Variants in USP34 observed in about 807,000 individuals in gnomAD.
USP34 encodes the protein ubiquitin carboxyl-terminal hydrolase 34.
USP34 carries 70 observed loss-of-function variants against 460.3 expected under a neutral mutation model. The observed-to-expected ratio is 0.15, with a 90% CI of 0.13 to 0.19. The LOEUF is 0.19. Among genes scored for constraint, USP34 ranks in the 10% least tolerant of loss-of-function variants. USP34 has a pLI of 1.00. For missense variants in USP34, 3,985 were observed against 4,236.2 expected, an observed-to-expected ratio of 0.94 and a Z score of 1.65; for synonymous variants, 1,647 against 1,405.3, an observed-to-expected ratio of 1.17 and a Z score of -3.85.
intron 16 of USP34, among the ~76,000 whole-genome samples, chr2:61,341,887 C>G (rs112125895): frequency 0.018 from 2,708 of 151,284 alleles, 82 homozygotes; most frequent in African/African-American, 0.06. Flanking sequence ...CTCAGCGTCC[C>G]GAGTAGCTGG....
At chr2:61,390,797 T>TG (rs1350754363) in intron 5 of USP34, among the ~76,000 whole-genome samples, 1 of 151,414 alleles carries the variant, frequency 6.6e-6, no homozygotes, top group Non-Finnish European at 1.5e-5. Context: ...ATTCAGGTTC[T>TG]GAAAAAAAAA....
intron 1 of USP34, among the ~76,000 whole-genome samples, chr2:61,447,490 A>T (rs1695154089): frequency 6.6e-6 from 1 of 152,166 alleles, no homozygotes; most frequent in Non-Finnish European, 1.5e-5. Context: ...AATATAAAAA[A>T]TCTGGATAAC....
chr2:61,239,405 GTTTTATTTAAAATTTCA>G (rs541631043), intron 53 of USP34, among the ~76,000 whole-genome samples: 3,485 of 150,130 alleles, frequency 0.023, 60 homozygotes, highest in Non-Finnish European at 0.035. Context: ...CATTGTAAAG[GTTTTATTTAAAATTTCA>G]TTTTACTTCA....
chr2:61,297,025 T>A, intron 29 of USP34, 100 bp from the exon 30 acceptor site: 1 of 1,429,850 alleles, frequency 7.0e-7, no homozygotes, highest in Non-Finnish European at 9.4e-7. Flanking sequence ...TTGCTAATAG[T>A]TTTTAGCCTC....
intron 41 of USP34, among the ~76,000 whole-genome samples, chr2:61,268,347 G>A (rs767463212): frequency 1.0e-4 from 15 of 145,256 alleles, no homozygotes; most frequent in African/African-American, 2.8e-4. Context: ...AGAGGTGTTC[G>A]AGTCATCAGG....
chr2:61,207,953 C>A (rs1202317784), intron 70 of USP34: 1 of 152,222 alleles, frequency 6.6e-6, no homozygotes, highest in East Asian at 1.9e-4. Context: ...TCTTATGGTA[C>A]TCTTGGCATG....
At position 61,246,813 on chromosome 2, in the gene USP34, G is replaced by A. The variant is rs760087495; in HGVS notation, c.6395-336C>T. Among the ~76,000 whole-genome samples the A allele has an allele frequency of 4.8e-4, 73 of 151,962 alleles. 2 individuals are homozygous for A. Among genetic ancestry groups the A allele is most frequent in the South Asian group, 2.1e-4 (1 of 4,826 alleles). On this transcript the variant is annotated intron_variant, in intron 49 of 79. Coordinates refer to ENST00000398571, the MANE Select transcript of USP34 (RefSeq NM_014709.4). Reference sequence around the variant, plus strand: ...TAATTATGGACAACTTCAATATAAAGTATAAATATAAAATATTTCTTTAAT... The same window carrying A: ...TAATTATGGACAACTTCAATATAAAATATAAATATAAAATATTTCTTTAAT...
intron 1 of USP34, among the ~76,000 whole-genome samples, chr2:61,438,071 G>A (rs1573041589): frequency 1.3e-5 from 2 of 152,066 alleles, no homozygotes; most frequent in South Asian, 4.2e-4. Context: ...CTACATGCCA[G>A]TGTCCTTGAT....
intron 1 of USP34, among the ~76,000 whole-genome samples, chr2:61,432,242 G>A (rs975852229): frequency 1.3e-4 from 19 of 151,918 alleles, no homozygotes; most frequent in Admixed American, 8.5e-4. Context: ...GAGTGGCCAA[G>A]GTGGGCAGAT....
chr2:61,457,359 G>A (rs927346582), intron 1 of USP34, among the ~76,000 whole-genome samples: 4 of 152,172 alleles, frequency 2.6e-5, no homozygotes, highest in African/African-American at 9.7e-5. Flanking sequence ...AAGCCACAGA[G>A]AAATAAAGTC....
intron 27 of USP34, among the ~76,000 whole-genome samples, chr2:61,303,993 G>A (rs1199529799): frequency 1.3e-5 from 2 of 152,124 alleles, no homozygotes; most frequent in Non-Finnish European, 2.9e-5. Context: ...CACCTCCTGG[G>A]CTTAAGCGAT....
intron 29 of USP34, among the ~76,000 whole-genome samples, chr2:61,298,537 C>CAAAAAAAAAAAAAAAAAA (rs57087400): frequency 1.4e-4 from 4 of 28,288 alleles, no homozygotes; most frequent in African/African-American, 1.7e-4. Flanking sequence ...GACTCTGTCT[C>CAAAAAAAAAAAAAAAAAA]AAAAAAAAAA....
intron 1 of USP34, among the ~76,000 whole-genome samples, chr2:61,441,379 A>C (rs1694958989): frequency 6.6e-6 from 1 of 152,006 alleles, no homozygotes; most frequent in Non-Finnish European, 1.5e-5. Flanking sequence ...CAGCCCCTGT[A>C]ATGAGAAAGG....
chr2:61,265,274 A>C (rs1689015072), intron 43 of USP34, 123 bp downstream of exon 43: 1 of 1,096,812 alleles, frequency 9.1e-7, no homozygotes, highest in Non-Finnish European at 1.3e-6. Flanking sequence ...AGTTACTGTA[A>C]TCAAATTTAC....
intron 3 of USP34, among the ~76,000 whole-genome samples, chr2:61,405,220 G>A (rs189161773): frequency 2.1e-5 from 2 of 94,692 alleles, no homozygotes; most frequent in South Asian, 4.2e-4. Flanking sequence ...GCAACAGAGA[G>A]AGACTCCATC....
chr2:61,192,003 T>C (rs901034703), intron 76 of USP34, among the ~76,000 whole-genome samples: 3 of 152,220 alleles, frequency 2.0e-5, no homozygotes, highest in African/African-American at 7.2e-5. Context: ...ATGACTCTGA[T>C]AAGGTCTCTA....
At chr2:61,264,536 G>C (rs1275496185) in intron 43 of USP34, among the ~76,000 whole-genome samples, 1 of 152,090 alleles carries the variant, frequency 6.6e-6, no homozygotes, top group Non-Finnish European at 1.5e-5. Context: ...AGTTACTCAG[G>C]AGGCTGAGGT....
At chr2:61,417,875 G>A (rs2103965850) in intron 2 of USP34, among the ~76,000 whole-genome samples, 1 of 150,010 alleles carries the variant, frequency 6.7e-6, no homozygotes, top group East Asian at 2.0e-4. Context: ...CCGAGTAGCT[G>A]GGGTTACACA....
chr2:61,359,370 TAGGAAAACTGAATATTTACATGTAAAA>T (rs1692205611), intron 10 of USP34, among the ~76,000 whole-genome samples: 1 of 152,168 alleles, frequency 6.6e-6, no homozygotes, highest in East Asian at 1.9e-4. Context: ...CAAATGGTGT[TAGGAAAACTGAATATTTACATGTAAAA>T]AGAATAAAGT....
Sources: gnomAD v4.1 joint callset for allele counts (sites outside exome capture counted in the v4.1 genomes callset) on GRCh38, gnomAD v4.1.1 for gene constraint, MANE v1.5 for transcripts, NCBI Gene and HGNC (gene_info 2026-07-23, HGNC 2026-07-21) for gene names.